ZNF892: variants seen among roughly 807,000 people sequenced by gnomAD.
ZNF892 encodes the protein zinc finger protein 892, also known as zinc finger protein 570-like.
At chr2:95,251,050 A>G in the ZNF892 span, among the ~76,000 whole-genome samples, 6 of 150,864 alleles carry the variant, frequency 4.0e-5, no homozygotes, top group African/African-American at 4.8e-5. Context: ...AATAAATATT[A>G]CATATTAATA....
chr2:95,238,385 TGA>T, the ZNF892 span, among the ~76,000 whole-genome samples: 1 of 152,240 alleles, frequency 6.6e-6, no homozygotes, highest in Non-Finnish European at 1.5e-5. Flanking sequence ...CATGGTTTAC[TGA>T]GTATTTTAAG....
At chr2:95,239,144 G>GA in the ZNF892 span, among the ~76,000 whole-genome samples, 97,743 of 125,946 alleles carry the variant, frequency 0.78, 37,671 homozygotes, top group African/African-American at 0.85. Context: ...CGTCTCAAAG[G>GA]AAAAAAAAAA....
the ZNF892 span, among the ~76,000 whole-genome samples, chr2:95,233,708 A>G: frequency 8.3e-5 from 11 of 132,462 alleles, no homozygotes; most frequent in Non-Finnish European, 1.4e-4. Flanking sequence ...AAATCTCGCT[A>G]TGTTGCCCAA....
chr2:95,249,531 G>A, the ZNF892 span, among the ~76,000 whole-genome samples: 1 of 151,718 alleles, frequency 6.6e-6, no homozygotes, highest in African/African-American at 2.4e-5. Context: ...ACAGGCGTGA[G>A]TCACAGTGCC....
the ZNF892 span, among the ~76,000 whole-genome samples, chr2:95,253,987 C>T: frequency 4.6e-5 from 7 of 152,244 alleles, no homozygotes; most frequent in South Asian, 2.1e-4. Flanking sequence ...TGGGCTGAGA[C>T]GATGGGATTT....
the ZNF892 span, chr2:95,208,751 C>T: frequency 2.5e-6 from 1 of 398,680 alleles, no homozygotes; most frequent in Non-Finnish European, 4.4e-6. Flanking sequence ...GTTTAGATTT[C>T]TTCTTTCTTT....
At chr2:95,256,630 C>T in the ZNF892 span, among the ~76,000 whole-genome samples, 2 of 152,150 alleles carry the variant, frequency 1.3e-5, no homozygotes, top group Admixed American at 1.3e-4. Context: ...CCTTGCTAGA[C>T]TGGGGAAGTT....
chr2:95,215,241 G>A, the ZNF892 span: 1 of 467,198 alleles, frequency 2.1e-6, no homozygotes, highest in South Asian at 6.1e-5. Context: ...CTACTGCTCA[G>A]CCCTGACTCA....
At chr2:95,257,144 G>A in the ZNF892 span, among the ~76,000 whole-genome samples, 2 of 152,180 alleles carry the variant, frequency 1.3e-5, no homozygotes, top group Admixed American at 6.5e-5. Flanking sequence ...AGGAGGAGAG[G>A]CGCTCTGATT....
chr2:95,213,893 A>C, the ZNF892 span, among the ~76,000 whole-genome samples: 1 of 152,202 alleles, frequency 6.6e-6, no homozygotes, highest in African/African-American at 2.4e-5. Flanking sequence ...AAAGATGGTC[A>C]TTCTTGAGGC....
chr2:95,233,529 C>T, the ZNF892 span, among the ~76,000 whole-genome samples: 4 of 150,648 alleles, frequency 2.7e-5, no homozygotes, highest in Non-Finnish European at 5.9e-5. Context: ...AAAAATTAGC[C>T]GGGCGTGGTG....
the ZNF892 span, chr2:95,207,882 A>G: frequency 2.5e-6 from 1 of 398,554 alleles, no homozygotes; most frequent in Non-Finnish European, 4.4e-6. Context: ...GCAGAGGGAG[A>G]AAGGGAGAAA....
chr2:95,258,118 C>T, the ZNF892 span, among the ~76,000 whole-genome samples: 1 of 152,196 alleles, frequency 6.6e-6, no homozygotes, highest in East Asian at 1.9e-4. Flanking sequence ...GAACCTGGTA[C>T]CTCAGTTGGA....
the ZNF892 span, chr2:95,214,899 C>A: frequency 2.0e-6 from 1 of 500,542 alleles, no homozygotes; most frequent in East Asian, 3.1e-5. Flanking sequence ...CTTCAGTCAC[C>A]GCTCAGCCCT....
At chr2:95,230,938 G>A in the ZNF892 span, among the ~76,000 whole-genome samples, 3 of 152,300 alleles carry the variant, frequency 2.0e-5, no homozygotes, top group Admixed American at 2.0e-4. Flanking sequence ...TGCTGCTTAT[G>A]TACAATTGGA....
the ZNF892 span, among the ~76,000 whole-genome samples, chr2:95,245,460 G>C: frequency 0.015 from 1,705 of 117,306 alleles, 140 homozygotes; most frequent in Middle Eastern, 0.054. Flanking sequence ...CGGGGGGGGG[G>C]GGGTTTCACC....
chr2:95,259,730 A>G, the ZNF892 span: 1 of 152,278 alleles, frequency 6.6e-6, no homozygotes, highest in Non-Finnish European at 1.5e-5. Flanking sequence ...TCTATTCTTC[A>G]TGATAATATA....
chr2:95,218,164 A>G, the ZNF892 span, among the ~76,000 whole-genome samples: 29 of 152,294 alleles, frequency 1.9e-4, no homozygotes, highest in Admixed American at 7.2e-4. Context: ...ATGGTTGTTA[A>G]GCCACACTCT....
chr2:95,228,192 C>T, the ZNF892 span, among the ~76,000 whole-genome samples: 5 of 152,140 alleles, frequency 3.3e-5, no homozygotes, highest in African/African-American at 9.7e-5. Flanking sequence ...CTACCATCTG[C>T]GTTTTCTGTC....
Sources: gnomAD v4.1 joint callset for allele counts (sites outside exome capture counted in the v4.1 genomes callset) on GRCh38, gnomAD v4.1.1 for gene constraint, MANE v1.5 for transcripts, NCBI Gene and HGNC (gene_info 2026-07-23, HGNC 2026-07-21) for gene names.